Variants in ZDHHC14 observed in about 807,000 individuals in gnomAD.
ZDHHC14 encodes zDHHC palmitoyltransferase 14, also known as palmitoyltransferase ZDHHC14.
A neutral mutation model predicts 47.7 loss-of-function variants in ZDHHC14; 16 were observed. That is an observed-to-expected ratio of 0.34 (90% CI 0.23 to 0.51). ZDHHC14 has a LOEUF of 0.51. Ranked by LOEUF, ZDHHC14 falls within the 20% of genes least tolerant of loss-of-function variation. The pLI, the probability that ZDHHC14 is intolerant of heterozygous loss-of-function variation, is 0.97. For synonymous variants in ZDHHC14, 293 were observed against 278.9 expected, an observed-to-expected ratio of 1.05 and a Z score of -0.50; for missense variants, 515 against 662.5, an observed-to-expected ratio of 0.78 and a Z score of 2.44.
chr6:157,541,315 T>A (rs1195070633), intron 1 of ZDHHC14, among the ~76,000 whole-genome samples: 5 of 152,190 alleles, frequency 3.3e-5, no homozygotes, highest in Non-Finnish European at 2.9e-5. Flanking sequence ...TTCTATCACT[T>A]GTCTCAGCAA....
chr6:157,438,922 C>T (rs1778501557), intron 1 of ZDHHC14, among the ~76,000 whole-genome samples: 5 of 152,176 alleles, frequency 3.3e-5, no homozygotes, highest in East Asian at 1.9e-4. Flanking sequence ...ATTGTCTGGG[C>T]GGTAGAGAGT....
chr6:157,558,378 G>C (rs1248894715), intron 2 of ZDHHC14, among the ~76,000 whole-genome samples: 1 of 152,176 alleles, frequency 6.6e-6, no homozygotes, highest in Non-Finnish European at 1.5e-5. Flanking sequence ...ATTACACAGG[G>C]AAACTGTTCA....
chr6:157,673,293 T>C lies in ZDHHC14; in HGVS notation c.*171T>C, dbSNP rs1778893938. On this transcript the variant is annotated 3_prime_UTR_variant, in exon 9 of 9. Transcript: ENST00000359775. This position sits in a 1 kb window ranked among gnomAD's most constrained non-coding sequence, Gnocchi z 5.4. ...ATGGCACAGGGTGGCTGGCCCCGGA[T>C]GCTGAGAGCTTGGTTTCATTTGAAT... 10 of 811,444 alleles carry C rather than the reference T, an allele frequency of 1.2e-5. No homozygotes were observed. The highest frequency in any genetic ancestry group is 1.1e-4 in the South Asian group (5 of 44,064). The allele number at this position is 811,444 out of a possible 1,614,324, so 50.3% of individuals were successfully genotyped here. A position where few individuals can be genotyped will look rare whatever the true frequency, so the allele number is the denominator to read the frequency against.
At chr6:157,667,523 A>G (rs1286503415) in intron 8 of ZDHHC14, among the ~76,000 whole-genome samples, 1 of 152,112 alleles carries the variant, frequency 6.6e-6, no homozygotes, top group African/African-American at 2.4e-5. Context: ...GGGAAGAAGG[A>G]TAGAGGGGAA....
intron 1 of ZDHHC14, among the ~76,000 whole-genome samples, chr6:157,492,955 A>T (rs1231442875): frequency 3.3e-5 from 5 of 152,080 alleles, no homozygotes; most frequent in Admixed American, 6.6e-5. Flanking sequence ...ATACAAGGAG[A>T]TAAGATATTA....
intron 1 of ZDHHC14, among the ~76,000 whole-genome samples, chr6:157,440,169 T>TAAG (rs1778534317): frequency 6.6e-6 from 1 of 150,464 alleles, no homozygotes; most frequent in Non-Finnish European, 1.5e-5. Flanking sequence ...ACTTTAATAA[T>TAAG]AATAATAATA....
intron 8 of ZDHHC14, 68 bp from the exon 9 acceptor site, chr6:157,672,651 CCCCAT>C: frequency 8.8e-6 from 3 of 339,274 alleles, no homozygotes; most frequent in East Asian, 1.0e-4. Flanking sequence ...CGTGCCCTGT[CCCCAT>C]CCCTGTCCCT....
Position 157,551,428 on chromosome 6 carries a change from A to T in ZDHHC14, c.406+8683A>T, listed in dbSNP as rs181609630. Among the ~76,000 whole-genome samples the T allele has an allele frequency of 7.9e-4, 121 of 152,352 alleles. 2 individuals are homozygous for T. The highest frequency in any genetic ancestry group is 2.8e-3 in the African/African-American group (116 of 41,582). ...GACCCTGGCATGGGGTCTGGTTCCA[A>T]GTCCAGGTATATATAGCCCTCCTTT... On this transcript the variant is annotated intron_variant, in intron 2 of 8. Transcript: ENST00000359775.
chr6:157,391,018 G>A (rs142680693), intron 1 of ZDHHC14, among the ~76,000 whole-genome samples: 139 of 152,302 alleles, frequency 9.1e-4, no homozygotes, highest in Non-Finnish European at 1.5e-3. Flanking sequence ...GTGTGTGTGA[G>A]TCAATCTAGT....
At chr6:157,452,121 C>T (rs1312157122) in intron 1 of ZDHHC14, among the ~76,000 whole-genome samples, 1 of 152,180 alleles carries the variant, frequency 6.6e-6, no homozygotes, top group Non-Finnish European at 1.5e-5. Context: ...GATGGTGCCC[C>T]ACTAGCCCCT....
chr6:157,431,991 A>G (rs1778347996), intron 1 of ZDHHC14, among the ~76,000 whole-genome samples: 1 of 152,106 alleles, frequency 6.6e-6, no homozygotes, highest in Non-Finnish European at 1.5e-5. Flanking sequence ...AGCCTCCCAA[A>G]GTGCTGGGAT....
chr6:157,629,760 A>T (rs1329022957), intron 4 of ZDHHC14: 1 of 152,164 alleles, frequency 6.6e-6, no homozygotes, highest in African/African-American at 2.4e-5. Flanking sequence ...TTTCCACATC[A>T]GCTGGGCAGG....
intron 3 of ZDHHC14, among the ~76,000 whole-genome samples, chr6:157,608,360 C>T (rs1026020350): frequency 5.9e-5 from 9 of 152,086 alleles, no homozygotes; most frequent in African/African-American, 1.7e-4. Context: ...AGATACCCAC[C>T]GAGAAGCACA....
At chr6:157,449,294 G>A (rs1451418560) in intron 1 of ZDHHC14, among the ~76,000 whole-genome samples, 1 of 152,162 alleles carries the variant, frequency 6.6e-6, no homozygotes, top group Non-Finnish European at 1.5e-5. Context: ...CTGAAGGTCA[G>A]GTAAAAAGAG....
intron 2 of ZDHHC14, among the ~76,000 whole-genome samples, chr6:157,585,428 A>C (rs1562492873): frequency 6.6e-5 from 10 of 151,862 alleles, no homozygotes; most frequent in Admixed American, 1.3e-4. Context: ...AAAAAAAAAA[A>C]AACCCAAAAC....
rs767335948 is a variant in ZDHHC14, at chr6:157,672,964, C to G, written c.1309C>G (p.Gln437Glu). Residue 437 changes from glutamine to glutamate, a missense_variant, in exon 9 of 9, where the codon CAG (glutamine) becomes GAG (glutamate). This residue lies in a region of ZDHHC14 where 221 missense variants were observed against 233.6 expected (regional missense o/e 0.95). Transcript: ENST00000359775. The part of the protein sequence containing the change: ...MPRKDEHMGH[Q>E]FLTPDEAPSP... Reference sequence around the variant, plus strand: ...CCGGAAAGATGAGCACATGGGCCACCAGTTCCTGACGCCCGATGAGGCGCC... The same window carrying G: ...CCGGAAAGATGAGCACATGGGCCACGAGTTCCTGACGCCCGATGAGGCGCC... 44 of 1,598,898 alleles carry G rather than the reference C, an allele frequency of 2.8e-5. No homozygotes were observed. In the African/African-American group the frequency reaches 5.5e-4, roughly 20 times the overall value.
intron 3 of ZDHHC14, among the ~76,000 whole-genome samples, chr6:157,598,904 T>C (rs1379543283): frequency 6.6e-6 from 1 of 152,132 alleles, no homozygotes; most frequent in East Asian, 1.9e-4. Context: ...ACACTGAAAA[T>C]GTCATCTGAT....
intron 8 of ZDHHC14, among the ~76,000 whole-genome samples, chr6:157,667,617 T>TAAA (rs11429657): frequency 2.1e-5 from 3 of 144,178 alleles, no homozygotes; most frequent in African/African-American, 5.1e-5. Flanking sequence ...AGCAAAGGTT[T>TAAA]AAAAAAAAAA....
At chr6:157,655,706 A>G (rs1778055387) in intron 8 of ZDHHC14, among the ~76,000 whole-genome samples, 1 of 152,210 alleles carries the variant, frequency 6.6e-6, no homozygotes, top group African/African-American at 2.4e-5. Flanking sequence ...TCCACCTTCA[A>G]AGGGGTCAGC....
Sources: allele counts gnomAD v4.1 joint callset (sites outside exome capture counted in the v4.1 genomes callset), GRCh38; gene constraint gnomAD v4.1.1; regional missense constraint gnomAD v4.1.1; non-coding constraint Gnocchi (gnomAD v3.1); transcripts MANE v1.5; gene names NCBI Gene and HGNC (gene_info 2026-07-23, HGNC 2026-07-21).